The following TMTC2 variants were observed in gnomAD, a reference collection of about 807,000 sequenced individuals.
TMTC2 encodes protein O-mannosyl-transferase TMTC2.
In TMTC2, 43 loss-of-function variants were observed where a neutral mutation model predicts 82.4. The observed-to-expected ratio is 0.52, with a 90% CI of 0.41 to 0.67. The LOEUF (loss-of-function observed/expected upper bound fraction) is 0.67, where lower values mean the gene tolerates loss of function less well. Among genes scored for constraint, TMTC2 ranks in the 30% least tolerant of loss-of-function variants. The pLI is 0.00. For missense variants in TMTC2, 919 were observed against 1,012.4 expected, an observed-to-expected ratio of 0.91 and a Z score of 1.25; for synonymous variants, 408 against 381.9, an observed-to-expected ratio of 1.07 and a Z score of -0.80.
chr12:82,996,791 T>C (rs1879638455), intron 8 of TMTC2, among the ~76,000 whole-genome samples: 2 of 152,170 alleles, frequency 1.3e-5, no homozygotes, highest in Non-Finnish European at 2.9e-5. Flanking sequence ...CCTGAAGATA[T>C]CATCTATTTT....
At chr12:82,873,338 C>G (rs1218061445) in intron 2 of TMTC2, among the ~76,000 whole-genome samples, 6 of 149,754 alleles carry the variant, frequency 4.0e-5, no homozygotes, top group South Asian at 4.2e-4. Flanking sequence ...CTTGTGAAGC[C>G]CCTGTTTTTT....
intron 2 of TMTC2, among the ~76,000 whole-genome samples, chr12:82,891,172 G>A (rs769477936): frequency 2.0e-5 from 3 of 152,014 alleles, no homozygotes; most frequent in Admixed American, 6.6e-5. Flanking sequence ...CATAGCATAG[G>A]GACTAAATTA....
chr12:82,876,865 C>G (rs2137148721), intron 2 of TMTC2, among the ~76,000 whole-genome samples: 1 of 152,268 alleles, frequency 6.6e-6, no homozygotes, highest in Non-Finnish European at 1.5e-5. Flanking sequence ...CCAATGTCCA[C>G]ATCTCATATC....
At chr12:82,806,443 G>T (rs1592536855) in intron 1 of TMTC2, among the ~76,000 whole-genome samples, 1 of 152,032 alleles carries the variant, frequency 6.6e-6, no homozygotes, top group Non-Finnish European at 1.5e-5. Flanking sequence ...TTGGTATTTG[G>T]CATTTTTGTT....
intron 2 of TMTC2, among the ~76,000 whole-genome samples, chr12:82,865,212 G>A (rs1049591772): frequency 2.0e-5 from 3 of 152,072 alleles, no homozygotes; most frequent in African/African-American, 7.2e-5. Context: ...GACAACAAGA[G>A]CAAGACTCCG....
intron 11 of TMTC2, among the ~76,000 whole-genome samples, chr12:83,068,930 C>T (rs1883013630): frequency 6.6e-6 from 1 of 152,076 alleles, no homozygotes; most frequent in Admixed American, 6.6e-5. Context: ...CATAACTTAG[C>T]TCCCACATAT....
At chr12:82,979,454 G>C (rs1330588357) in intron 7 of TMTC2, among the ~76,000 whole-genome samples, 2 of 151,620 alleles carry the variant, frequency 1.3e-5, no homozygotes, top group Non-Finnish European at 3.0e-5. Flanking sequence ...CAAGAAAATA[G>C]AAAATGAATA....
intron 4 of TMTC2, among the ~76,000 whole-genome samples, chr12:82,944,648 T>C (rs775247137): frequency 6.6e-6 from 1 of 151,776 alleles, no homozygotes; most frequent in Non-Finnish European, 1.5e-5. Context: ...GACTAAGTTG[T>C]GTGATGTCAT....
At chr12:82,965,211 C>A in intron 5 of TMTC2, 102 bp downstream of exon 5, 1 of 843,864 alleles carries the variant, frequency 1.2e-6, no homozygotes, top group South Asian at 1.7e-5. Flanking sequence ...GCTCTTATTT[C>A]TGAATACTCG....
At position 82,721,721 on chromosome 12, in the gene TMTC2, T is replaced by C. The variant is rs1273946485; in HGVS notation, c.83+34052T>C. Among the ~76,000 whole-genome samples the C allele has an allele frequency of 3.3e-5, 5 of 152,220 alleles. No individual in the cohort carries two copies. In the East Asian group the frequency reaches 9.6e-4, roughly 29 times the overall value. On this transcript the variant is annotated intron_variant, in intron 1 of 11. Coordinates refer to ENST00000321196, the MANE Select transcript of TMTC2 (RefSeq NM_152588.3). ...TTAAAATATGCACGCTATTTAAATA[T>C]TTATGGAAAAGTCAGTGTCTTGCCC... is the stretch of plus-strand genomic sequence containing the variant.
intron 3 of TMTC2, among the ~76,000 whole-genome samples, chr12:82,900,687 T>TATATATAGGAATATATATCTCTGGA (rs1873941596): frequency 1.4e-5 from 2 of 143,662 alleles, no homozygotes; most frequent in African/African-American, 5.1e-5. Flanking sequence ...CTCTGGAATA[T>TATATATAGGAATATATATCTCTGGA]ATATATAGGA....
At chr12:82,829,650 T>G (rs1037046747) in intron 1 of TMTC2, among the ~76,000 whole-genome samples, 3 of 152,222 alleles carry the variant, frequency 2.0e-5, no homozygotes, top group African/African-American at 7.2e-5. Context: ...TAATCCATAT[T>G]ACTGTAAAAA....
chr12:82,706,438 A>C (rs1441664181), intron 1 of TMTC2, among the ~76,000 whole-genome samples: 2 of 151,486 alleles, frequency 1.3e-5, no homozygotes, highest in African/African-American at 4.9e-5. Flanking sequence ...GGATGGAGGG[A>C]GGGAGAGAAG....
chr12:83,104,927 G>A (rs1465293103), intron 11 of TMTC2, among the ~76,000 whole-genome samples: 5 of 152,198 alleles, frequency 3.3e-5, no homozygotes, highest in South Asian at 2.1e-4. Context: ...CTTCACTCCT[G>A]TGTCAGAGAG....
intron 3 of TMTC2, among the ~76,000 whole-genome samples, chr12:82,910,767 A>G (rs2137208450): frequency 6.6e-6 from 1 of 152,088 alleles, no homozygotes; most frequent in Non-Finnish European, 1.5e-5. Flanking sequence ...TCCTTCTGGT[A>G]TGCCCCTGTC....
intron 11 of TMTC2, among the ~76,000 whole-genome samples, chr12:83,091,540 T>C (rs1883849203): frequency 6.6e-6 from 1 of 152,232 alleles, no homozygotes; most frequent in Admixed American, 6.5e-5. Flanking sequence ...TGAATTTGAA[T>C]AATGTCCATT....
At chr12:83,095,634 A>G (rs1884005459) in intron 11 of TMTC2, among the ~76,000 whole-genome samples, 1 of 152,166 alleles carries the variant, frequency 6.6e-6, no homozygotes, top group African/African-American at 2.4e-5. Flanking sequence ...GAGTGAGTGA[A>G]AGAATGAATT....
intron 1 of TMTC2, among the ~76,000 whole-genome samples, chr12:82,794,081 T>C (rs1878591960): frequency 6.6e-6 from 1 of 152,170 alleles, no homozygotes; most frequent in South Asian, 2.1e-4. Flanking sequence ...CACTTGTGAC[T>C]GTTCACTTAT....
intron 1 of TMTC2, among the ~76,000 whole-genome samples, chr12:82,788,452 G>A (rs745821996): frequency 3.9e-5 from 6 of 152,044 alleles, no homozygotes; most frequent in Non-Finnish European, 7.4e-5. Context: ...TGCAAGGTTT[G>A]GTAGCCTAGG....
Sources: allele counts gnomAD v4.1 joint callset (sites outside exome capture counted in the v4.1 genomes callset), GRCh38; gene constraint gnomAD v4.1.1; transcripts MANE v1.5; gene names NCBI Gene and HGNC (gene_info 2026-07-23, HGNC 2026-07-21).